CACNA1E: variants seen among roughly 807,000 people sequenced by gnomAD.
CACNA1E encodes calcium voltage-gated channel subunit alpha1 E.
Under a neutral mutation model 259.2 loss-of-function variants are expected in CACNA1E, and 40 were observed. The observed-to-expected ratio is 0.15, with a 90% CI of 0.12 to 0.20. CACNA1E has a LOEUF of 0.20. CACNA1E is among the 10% of genes least tolerant of loss of function. CACNA1E has a pLI of 1.00. For missense variants in CACNA1E, 1,874 were observed against 3,040.1 expected, an observed-to-expected ratio of 0.62 and a Z score of 9.02; for synonymous variants, 1,104 against 1,138.5, an observed-to-expected ratio of 0.97 and a Z score of 0.61.
intron 3 of CACNA1E, among the ~76,000 whole-genome samples, chr1:181,513,928 G>T (rs1292780468): frequency 6.6e-6 from 1 of 152,114 alleles, no homozygotes; most frequent in Non-Finnish European, 1.5e-5. Context: ...GCCTTCACAG[G>T]CCCCTGATTT....
At chr1:181,766,731 C>T in intron 35 of CACNA1E, 120 bp downstream of exon 35, 2 of 723,970 alleles carry the variant, frequency 2.8e-6, no homozygotes, top group Non-Finnish European at 2.4e-6. Flanking sequence ...TAAGGGTGCT[C>T]CCCTGAGGTC....
chr1:181,385,231 T>C (rs563010850), intron 1 of CACNA1E, among the ~76,000 whole-genome samples: 9 of 152,354 alleles, frequency 5.9e-5, no homozygotes, highest in African/African-American at 2.2e-4. Context: ...AATTAAAAGT[T>C]TGTAAATTGC....
intron 43 of CACNA1E, among the ~76,000 whole-genome samples, chr1:181,787,374 T>C (rs527790033): frequency 7.2e-5 from 11 of 152,280 alleles, no homozygotes; most frequent in Admixed American, 2.0e-4. Flanking sequence ...CCTCCCAAAG[T>C]GCTGGGATTA....
intron 1 of CACNA1E, among the ~76,000 whole-genome samples, chr1:181,391,555 G>C (rs1355650700): frequency 6.6e-6 from 1 of 152,128 alleles, no homozygotes; most frequent in Non-Finnish European, 1.5e-5. Context: ...GGGAAGCTCC[G>C]TGGCAAAGGA....
intron 3 of CACNA1E, among the ~76,000 whole-genome samples, chr1:181,549,961 G>T (rs78676524): frequency 6.6e-6 from 1 of 152,160 alleles, no homozygotes; most frequent in Non-Finnish European, 1.5e-5. Context: ...TAAAGTGAGG[G>T]GGTGGTAGAA....
intron 1 of CACNA1E, among the ~76,000 whole-genome samples, chr1:181,332,287 TG>T (rs1469651735): frequency 2.6e-5 from 4 of 152,162 alleles, no homozygotes; most frequent in African/African-American, 9.7e-5. Flanking sequence ...ACCTAGGTGA[TG>T]GGACAATCTG....
intron 18 of CACNA1E, among the ~76,000 whole-genome samples, chr1:181,729,110 GTGTGTGTGCCCTGCTCAGC>G (rs1655213676): frequency 8.7e-6 from 1 of 114,734 alleles, no homozygotes; most frequent in Non-Finnish European, 1.8e-5. Context: ...TTTTGCTCGG[GTGTGTGTGCCCTGCTCAGC>G]TGTGTGTGCC....
intron 3 of CACNA1E, among the ~76,000 whole-genome samples, chr1:181,561,592 C>G (rs1649333638): frequency 6.6e-6 from 1 of 152,176 alleles, no homozygotes; most frequent in Admixed American, 6.6e-5. Context: ...TTTTGAGATT[C>G]ATCCATGTTG....
chr1:181,689,520 G>T (rs973136360), intron 7 of CACNA1E, among the ~76,000 whole-genome samples: 1 of 152,120 alleles, frequency 6.6e-6, no homozygotes, highest in Non-Finnish European at 1.5e-5. Context: ...GGGTCAAATG[G>T]TATTTCTGGT....
chr1:181,385,052 G>T (rs73042269), intron 1 of CACNA1E, among the ~76,000 whole-genome samples: 3,955 of 152,124 alleles, frequency 0.026, 161 homozygotes, highest in African/African-American at 0.08. Context: ...TGGATTTTGG[G>T]AATATCACTG....
chr1:181,429,002 T>A (rs1368528996), intron 2 of CACNA1E, among the ~76,000 whole-genome samples: 1 of 151,892 alleles, frequency 6.6e-6, no homozygotes, highest in Non-Finnish European at 1.5e-5. Context: ...GCCAATATGG[T>A]GAAACCCCAT....
At chr1:181,444,774 A>G (rs1322527673) in intron 2 of CACNA1E, among the ~76,000 whole-genome samples, 2 of 152,090 alleles carry the variant, frequency 1.3e-5, no homozygotes, top group Non-Finnish European at 2.9e-5. Context: ...GGGAGATGGG[A>G]GCAGCCAGCA....
At chr1:181,502,849 C>T (rs996076406) in intron 1 of CACNA1E, among the ~76,000 whole-genome samples, 2 of 152,198 alleles carry the variant, frequency 1.3e-5, no homozygotes, top group South Asian at 2.1e-4. Context: ...CAGGTGCCCA[C>T]CACCATGTCT....
chr1:181,525,470 A>G (rs891262349), intron 3 of CACNA1E, among the ~76,000 whole-genome samples: 13 of 152,188 alleles, frequency 8.5e-5, no homozygotes, highest in African/African-American at 2.7e-4. Context: ...TGTCATGCTT[A>G]TTTTTGTCCT....
At chr1:181,593,739 A>G (rs1201604948) in intron 6 of CACNA1E, among the ~76,000 whole-genome samples, 1 of 152,156 alleles carries the variant, frequency 6.6e-6, no homozygotes, top group African/African-American at 2.4e-5. Context: ...GGGTTTCACC[A>G]TATTGGCCAG....
intron 1 of CACNA1E, among the ~76,000 whole-genome samples, chr1:181,412,906 G>T (rs1657964118): frequency 6.6e-6 from 1 of 152,220 alleles, no homozygotes; most frequent in South Asian, 2.1e-4. Context: ...GGCCCAGCCT[G>T]GTCCGCCGCG....
intron 3 of CACNA1E, among the ~76,000 whole-genome samples, chr1:181,541,934 G>A (rs1379165071): frequency 1.3e-5 from 2 of 152,166 alleles, no homozygotes; most frequent in Admixed American, 1.3e-4. Context: ...AAGAGAACAC[G>A]GCAGAAGTGA....
At chr1:181,648,579 TCTG>T (rs1235665372) in intron 6 of CACNA1E, among the ~76,000 whole-genome samples, 2 of 152,198 alleles carry the variant, frequency 1.3e-5, no homozygotes, top group Non-Finnish European at 2.9e-5. Context: ...GAAAATATAA[TCTG>T]CTGTTTCCCA....
At chr1:181,410,229 C>T (rs73046125) in intron 1 of CACNA1E, among the ~76,000 whole-genome samples, 7,520 of 152,206 alleles carry the variant, frequency 0.049, 578 homozygotes, top group African/African-American at 0.17. Flanking sequence ...AGAATGACAA[C>T]GTGAGGAACG....
Sources: allele counts gnomAD v4.1 joint callset (sites outside exome capture counted in the v4.1 genomes callset), GRCh38; gene constraint gnomAD v4.1.1; transcripts MANE v1.5; gene names NCBI Gene and HGNC (gene_info 2026-07-23, HGNC 2026-07-21).